The following ENPP2 variants were observed in gnomAD, a reference collection of about 807,000 sequenced individuals.
ENPP2 encodes autotaxin.
ENPP2 carries 51 observed loss-of-function variants against 120.2 expected under a neutral mutation model. The ratio of observed to expected loss-of-function variants is 0.42; its 90% CI spans 0.34 to 0.54. The LOEUF is 0.54. Ranked by LOEUF, ENPP2 falls within the 20% of genes least tolerant of loss-of-function variation. The pLI, the probability that ENPP2 is intolerant of heterozygous loss-of-function variation, is 0.04. For synonymous variants in ENPP2, 365 were observed against 366.4 expected, an observed-to-expected ratio of 1.00 and a Z score of 0.04; for missense variants, 920 against 1,066.5, an observed-to-expected ratio of 0.86 and a Z score of 1.91.
At chr8:119,661,716 C>T (rs1460860358) in intron 1 of ENPP2, among the ~76,000 whole-genome samples, 1 of 152,152 alleles carries the variant, frequency 6.6e-6, no homozygotes, top group African/African-American at 2.4e-5. Flanking sequence ...GATATCTGCA[C>T]TCCTATGTTT....
chr8:119,602,959 C>G (rs1260160212), intron 9 of ENPP2, among the ~76,000 whole-genome samples: 1 of 152,152 alleles, frequency 6.6e-6, no homozygotes, highest in Non-Finnish European at 1.5e-5. Context: ...CACCATCCAG[C>G]TCACAGGGAT....
At position 119,575,948 on chromosome 8, in the gene ENPP2, C is replaced by T. The variant is rs150436128; in HGVS notation, c.1780+4168G>A. 3.0e-3 allele frequency among the ~76,000 whole-genome samples: 459 copies of T among 152,284 alleles called. 2 individuals carry two copies. The highest frequency in any genetic ancestry group is 0.011 in the African/African-American group (437 of 41,570). On this transcript the variant is annotated intron_variant, in intron 19 of 24. Coordinates refer to ENST00000075322, the MANE Select transcript of ENPP2 (RefSeq NM_001040092.3). The stretch of plus-strand genomic sequence containing the variant: ...ATTCCCAAAAACACACAGATACACA[C>T]GCAGACACAAACACTCAGAAGCAGG...
upstream of ENPP2, among the ~76,000 whole-genome samples, chr8:119,639,927 T>C (rs1451553184): frequency 6.6e-6 from 1 of 152,126 alleles, no homozygotes; most frequent in Admixed American, 6.5e-5. Flanking sequence ...AAAAGATTTG[T>C]TTTTGGCCTC....
At chr8:119,651,321 T>C (rs1190810679) in intron 1 of ENPP2, among the ~76,000 whole-genome samples, 1 of 152,214 alleles carries the variant, frequency 6.6e-6, no homozygotes, top group African/African-American at 2.4e-5. Flanking sequence ...TTCTTTTAAG[T>C]GGTAGCTAGT....
chr8:119,631,767 A>AC (rs1489623660), intron 2 of ENPP2, among the ~76,000 whole-genome samples: 12 of 151,972 alleles, frequency 7.9e-5, no homozygotes, highest in Non-Finnish European at 1.3e-4. Context: ...TCTGCAATCC[A>AC]CCTTCATATT....
At chr8:119,567,539 T>A (rs1814575196) in intron 22 of ENPP2, among the ~76,000 whole-genome samples, 1 of 152,202 alleles carries the variant, frequency 6.6e-6, no homozygotes, top group Non-Finnish European at 1.5e-5. Context: ...CATCCACAAA[T>A]ATTTATGTCA....
At position 119,669,078 on chromosome 8, in the gene ENPP2, T is replaced by A. The variant is rs559442623; in HGVS notation, c.21+4174A>T. Among the ~76,000 whole-genome samples, 10 of 152,358 alleles carry A rather than the reference T, an allele frequency of 6.6e-5. No homozygotes were observed. The East Asian group carries it at 1.7e-3, about 26-fold the overall frequency. ...TTTTGGACTCCTAATCCTTATGCCT[T>A]TTCTCTTAGCAAATGGGAGCCTTAT... On this transcript the variant is annotated intron_variant, in intron 1 of 25. Coordinates refer to the ENPP2 transcript ENST00000427067.
intron 1 of ENPP2, chr8:119,673,116 G>A (rs1422914266): frequency 2.8e-6 from 2 of 719,692 alleles, no homozygotes; most frequent in Non-Finnish European, 4.7e-6. Flanking sequence ...CTGAGTGCAC[G>A]GGAACACAGC....
At chr8:119,638,618 C>T (rs1253996294) in intron 1 of ENPP2, 91 bp from the exon 2 acceptor site, 2 of 1,007,448 alleles carry the variant, frequency 2.0e-6, no homozygotes, top group African/African-American at 1.6e-5. Flanking sequence ...TCAATATCAA[C>T]ACCCAATCCT....
chr8:119,660,549 C>G (rs1444789518), intron 1 of ENPP2, among the ~76,000 whole-genome samples: 1 of 152,192 alleles, frequency 6.6e-6, no homozygotes, highest in Non-Finnish European at 1.5e-5. Flanking sequence ...AACAAACAAC[C>G]AGCCCCTCTT....
chr8:119,559,696 G>T (rs929585593), intron 24 of ENPP2, among the ~76,000 whole-genome samples: 4 of 152,196 alleles, frequency 2.6e-5, no homozygotes, highest in African/African-American at 9.7e-5. Flanking sequence ...AAGGTAGGGA[G>T]GACAGGAAAG....
chr8:119,649,346 G>A (rs1817562762), intron 1 of ENPP2, among the ~76,000 whole-genome samples: 1 of 150,080 alleles, frequency 6.7e-6, no homozygotes. Flanking sequence ...AGCTTGCAGT[G>A]AGCCGAGATC....
chr8:119,644,621 TATATACACAC>T lies in ENPP2; in HGVS notation c.22-6104_22-6095del, dbSNP rs1187028256. On this transcript the variant is annotated intron_variant, in intron 1 of 25. Coordinates refer to the ENPP2 transcript ENST00000427067. ...ATATATATATATATATATATATATA[TATATACACAC>T]ACACACACACACACACATATAGATA... 2.3e-4 allele frequency among the ~76,000 whole-genome samples: 24 copies of T among 104,496 alleles called. No homozygotes were observed. The East Asian group carries it at 5.8e-3, about 25-fold the overall frequency. The allele number at this position is 104,496 out of a possible 152,430, so 68.6% of individuals were successfully genotyped here. A position where few individuals can be genotyped will look rare whatever the true frequency, so the allele number is the denominator to read the frequency against.
intron 1 of ENPP2, among the ~76,000 whole-genome samples, chr8:119,648,996 G>C (rs989943673): frequency 6.6e-6 from 1 of 152,118 alleles, no homozygotes; most frequent in Non-Finnish European, 1.5e-5. Context: ...AAAATAAAAA[G>C]TGAAACTAAT....
At chr8:119,622,775 A>G (rs1251418025) in intron 3 of ENPP2, among the ~76,000 whole-genome samples, 1 of 151,988 alleles carries the variant, frequency 6.6e-6, no homozygotes, top group African/African-American at 2.4e-5. Flanking sequence ...TAACTCATTT[A>G]CTCATTGACT....
chr8:119,672,871 A>G (rs1818291498), intron 1 of ENPP2, among the ~76,000 whole-genome samples: 1 of 152,150 alleles, frequency 6.6e-6, no homozygotes, highest in African/African-American at 2.4e-5. Flanking sequence ...GGTAATAAAC[A>G]AGAAGCCGGG....
chr8:119,619,285 A>G lies in ENPP2; in HGVS notation c.438T>C (p.Asp146=). 6.2e-7 allele frequency: 1 copy of G among 1,612,094 alleles called. No individual in the cohort carries two copies. Among genetic ancestry groups the G allele is most frequent in the African/African-American group, 1.3e-5 (1 of 74,990 alleles). Residue 146 remains aspartate, a synonymous_variant, in exon 5 of 25, where the codon GAT becomes GAC. Coordinates refer to ENST00000075322, the MANE Select transcript of ENPP2 (RefSeq NM_001040092.3). ...VVCKGESHWV[D]DDCEEIKAAE... ...CGGCCTTTATTTCCTCACAGTCATC[A>G]TCAACCCAATGCGACTCTCCTATAA...
chr8:119,652,049 G>A (rs1423565328), intron 1 of ENPP2, among the ~76,000 whole-genome samples: 1 of 152,092 alleles, frequency 6.6e-6, no homozygotes, highest in Non-Finnish European at 1.5e-5. Context: ...ACCATAAACT[G>A]GGTGGCTTAT....
In ENPP2 at chr8:119,626,552, A is replaced by G. The variant is rs1816290216; in HGVS notation, c.292+13T>C. ...ATCTACTTGAAGGTAGAGAGGACTC[A>G]TAAGTTACGTACCTGTCTTCAAACA... is the stretch of plus-strand genomic sequence containing the variant. On this transcript the variant is annotated intron_variant, in intron 3 of 24. Transcript: ENST00000075322. 1 of 1,612,086 alleles carries G rather than the reference A, an allele frequency of 6.2e-7. No homozygotes were observed. The highest frequency in any genetic ancestry group is 8.5e-7 in the Non-Finnish European group (1 of 1,178,238).
Sources: gnomAD v4.1 joint callset for allele counts (sites outside exome capture counted in the v4.1 genomes callset) on GRCh38, gnomAD v4.1.1 for gene constraint, MANE v1.5 for transcripts, NCBI Gene and HGNC (gene_info 2026-07-23, HGNC 2026-07-21) for gene names.